Variants in TAPBP observed in about 807,000 individuals in gnomAD.
TAPBP encodes the protein TAP binding protein.
Under a neutral mutation model 45.7 loss-of-function variants are expected in TAPBP, and 38 were observed. The ratio of observed to expected loss-of-function variants is 0.83; its 90% CI spans 0.64 to 1.09. The LOEUF (loss-of-function observed/expected upper bound fraction) is 1.09, where lower values mean the gene tolerates loss of function less well. Among genes scored for constraint, TAPBP ranks in the 50% least tolerant of loss-of-function variants. The pLI is 0.00. For synonymous variants in TAPBP, 226 were observed against 254.8 expected, an observed-to-expected ratio of 0.89 and a Z score of 1.08; for missense variants, 513 against 587.3, an observed-to-expected ratio of 0.87 and a Z score of 1.31.
At chr6:33,303,003 G>A (rs911563800) in intron 7 of TAPBP, among the ~76,000 whole-genome samples, 17 of 152,076 alleles carry the variant, frequency 1.1e-4, no homozygotes, top group African/African-American at 3.9e-4. Flanking sequence ...GTTGAGCATC[G>A]CCGATCCAAA....
rs201263636 is a variant in TAPBP, at chr6:33,304,335, G to C, written c.1172C>G (p.Ala391Gly). 39 of 1,608,492 alleles carry C rather than the reference G, an allele frequency of 2.4e-5. No individual in the cohort carries two copies. Among genetic ancestry groups the C allele is most frequent in the Non-Finnish European group, 8.5e-7 (1 of 1,176,372 alleles). Residue 391 changes from alanine to glycine, a missense_variant, in exon 5 of 8, where the codon GCC becomes GGC. By Grantham distance (60) the Ala-to-Gly change is moderately conservative. Transcript: ENST00000434618. ...GGTGACCTCAGCGCTGCGCCCCGAG[G>C]CAGGCAGGCTGGGATGGTGAATTCG... Reference protein sequence around the residue: ...ACRIHHPSLPASGRSAEVTLE... With the variant: ...ACRIHHPSLPGSGRSAEVTLE...
intron 7 of TAPBP, among the ~76,000 whole-genome samples, chr6:33,303,002 C>T (rs1287674431): frequency 2.0e-5 from 3 of 152,120 alleles, no homozygotes; most frequent in Admixed American, 6.5e-5. Flanking sequence ...GGTTGAGCAT[C>T]GCCGATCCAA....
In TAPBP at chr6:33,304,575, G is replaced by A. The variant is rs767486136; in HGVS notation, c.932C>T (p.Pro311Leu). The stretch of plus-strand genomic sequence containing the variant: ...GTGGGACACAAGGCAGAGCAATTCC[G>A]GGGGTGCCTCCCCTGGGGCGGCCCG... ...LARAAPGEAP[P>L]ELLCLVSHFY... Residue 311 changes from proline (P) to leucine (L), a missense_variant, in exon 5 of 8, where the codon CCG becomes CTG. Transcript: ENST00000434618. 19 of 1,603,952 alleles carry A rather than the reference G, an allele frequency of 1.2e-5. No homozygotes were observed. Among genetic ancestry groups the A allele is most frequent in the African/African-American group, 2.7e-5 (2 of 74,818 alleles).
rs111262620 is a variant in TAPBP at position 33,313,515 on chromosome 6, C to T, written c.209-38G>A. On this transcript the variant is annotated intron_variant, in intron 2 of 7. Transcript: ENST00000434618. This position sits in a 1 kb window ranked among gnomAD's most constrained non-coding sequence, Gnocchi z 7.2. The stretch of plus-strand genomic sequence containing the variant: ...AAGGAAGTTGCAGCTGTAGAGTCAC[C>T]GCCGGGAAAGGGGCTGGAAGGGCAG... The T allele has an allele frequency of 4.7e-3, 7,202 of 1,518,440 alleles. 256 individuals are homozygous for T. The African/African-American group carries it at 0.079, about 17-fold the overall frequency. The allele number at this position is 1,518,440 out of a possible 1,614,324, so 94.1% of individuals were successfully genotyped here.
chr6:33,305,281 G>A lies in TAPBP; in HGVS notation c.576C>T (p.Ala192=), dbSNP rs950808132. ...FAYMPPTSEA[A]SSLAPGPPPF... is the part of the protein sequence containing the mutation. Reference sequence around the variant, plus strand: ...GAGGGGGACCCGGAGCCAGAGATGAGGCGGCCTCGGAGGTGGGGGGCATGT... The same window carrying A: ...GAGGGGGACCCGGAGCCAGAGATGAAGCGGCCTCGGAGGTGGGGGGCATGT... The change falls in exon 4 of 8, where the codon GCC becomes GCT. Residue 192 remains alanine, a synonymous_variant. Transcript: ENST00000434618. This position sits in a 1 kb window ranked among gnomAD's most constrained non-coding sequence, Gnocchi z 4.4. 4.6e-5 allele frequency: 73 copies of A among 1,591,946 alleles called. No homozygotes were observed. The highest frequency in any genetic ancestry group is 6.2e-5 in the Non-Finnish European group (72 of 1,168,222).
rs1371759630 is a variant in TAPBP, at chr6:33,305,849, G to C, written c.470-462C>G. ...ACAGAATATTTACTGACTCTAGAAG[G>C]TTCCAGCTCTAGCCTAGACCTGAGC... On this transcript the variant is annotated intron_variant, in intron 3 of 7. Coordinates refer to ENST00000434618, the MANE Select transcript of TAPBP (RefSeq NM_003190.5). This position sits in a 1 kb window ranked among gnomAD's most constrained non-coding sequence, Gnocchi z 4.4. Among the ~76,000 whole-genome samples, 1 of 152,168 alleles carries C rather than the reference G, an allele frequency of 6.6e-6. No individual in the cohort carries two copies. The highest frequency in any genetic ancestry group is 1.5e-5 in the Non-Finnish European group (1 of 68,038).
rs1006717757 is a variant in TAPBP at position 33,313,095 on chromosome 6, C to T, written c.469+122G>A. ...ATTCTAGCCAAACCACCTCTCTTAA[C>T]AAAAAAAGGAAACTGAACCCCGATT... On this transcript the variant is annotated intron_variant, in intron 3 of 7. Coordinates refer to ENST00000434618, the MANE Select transcript of TAPBP (RefSeq NM_003190.5). The surrounding 1 kb of genome is among the most constrained non-coding windows in gnomAD (Gnocchi z 7.2). 74 of 1,208,274 alleles carry T rather than the reference C, an allele frequency of 6.1e-5. No individual in the cohort carries two copies. Among genetic ancestry groups the T allele is most frequent in the Non-Finnish European group, 8.4e-5 (73 of 866,870 alleles). The allele number at this position is 1,208,274 out of a possible 1,614,324, so 74.8% of individuals were successfully genotyped here. A position where few individuals can be genotyped will look rare whatever the true frequency, so the allele number is the denominator to read the frequency against.
At chr6:33,303,655 A>T in intron 7 of TAPBP, 1 of 1,299,702 alleles carries the variant, frequency 7.7e-7, no homozygotes, top group African/African-American at 1.5e-5. Context: ...GTTTCTGCTT[A>T]TTTTTTTAAT....
chr6:33,305,064 G>A lies in TAPBP; in HGVS notation c.793C>T (p.Gln265Ter). The change falls in exon 4 of 8, where the codon CAG becomes TAG. Residue 265 changes from glutamine to a stop codon, truncating the protein, a stop_gained. Transcript: ENST00000434618. LOFTEE classifies it high-confidence loss of function. The surrounding 1 kb of genome is among the most constrained non-coding windows in gnomAD (Gnocchi z 4.4). ...ATGGTGGCCAGATAGGTGCCCTCCT[G>A]AAAGGGTTGAACTGTAGGCAGCCAG... ...TFWLPTVQPF[Q>*]EGTYLATIHL... The A allele has an allele frequency of 6.2e-7, 1 of 1,614,170 alleles. No homozygotes were observed. The highest frequency in any genetic ancestry group is 8.5e-7 in the Non-Finnish European group (1 of 1,180,020).
chr6:33,302,646 CT>C (rs9282489), intron 7 of TAPBP, among the ~76,000 whole-genome samples: 5 of 143,904 alleles, frequency 3.5e-5, no homozygotes, highest in African/African-American at 5.2e-5. Flanking sequence ...ATTTCTTTTT[CT>C]TTTTTTTTTG....
chr6:33,301,676 A>T lies in TAPBP; in HGVS notation c.*84T>A. On this transcript the variant is annotated 3_prime_UTR_variant, in exon 8 of 8. Coordinates refer to ENST00000434618, the MANE Select transcript of TAPBP (RefSeq NM_003190.5). ...GAGAGATTGGAGGGATTAGGAGCAGATGATAGGGTATTATTTTAGGGAGCT... is the reference window on the plus strand; with the variant it reads ...GAGAGATTGGAGGGATTAGGAGCAGTTGATAGGGTATTATTTTAGGGAGCT... 1 of 1,251,624 alleles carries T rather than the reference A, an allele frequency of 8.0e-7. No homozygotes were observed. The highest frequency in any genetic ancestry group is 1.2e-5 in the South Asian group (1 of 82,322). 77.5% of individuals were successfully genotyped at this position (1,251,624 alleles called of 1,614,324 possible). A position where few individuals can be genotyped will look rare whatever the true frequency, so the allele number is the denominator to read the frequency against.
chr6:33,312,249 G>C (rs17215266), intron 3 of TAPBP, among the ~76,000 whole-genome samples: 96 of 152,230 alleles, frequency 6.3e-4, no homozygotes, highest in African/African-American at 2.2e-3. Context: ...TAAGAATGGA[G>C]GTATAGGCAG....
chr6:33,313,566 A>G lies in TAPBP; in HGVS notation c.209-89T>C. ...CGTTCGGGGAACTTCAAATGCACAGACTACCCCGTAGTGAGACTCACTTTA... is the reference window on the plus strand; with the variant it reads ...CGTTCGGGGAACTTCAAATGCACAGGCTACCCCGTAGTGAGACTCACTTTA... On this transcript the variant is annotated intron_variant, in intron 2 of 7. Coordinates refer to ENST00000434618, the MANE Select transcript of TAPBP (RefSeq NM_003190.5). The surrounding 1 kb of genome is among the most constrained non-coding windows in gnomAD (Gnocchi z 7.2). The G allele has an allele frequency of 2.0e-6, 3 of 1,519,140 alleles. No individual in the cohort carries two copies. Among genetic ancestry groups the G allele is most frequent in the Non-Finnish European group, 2.7e-6 (3 of 1,130,952 alleles). 94.1% of individuals were successfully genotyped at this position (1,519,140 alleles called of 1,614,324 possible).
At position 33,304,363 on chromosome 6, in the gene TAPBP, A is replaced by C. The variant is rs766013993; in HGVS notation, c.1144T>G (p.Cys382Gly). 3 of 1,611,624 alleles carry C rather than the reference A, an allele frequency of 1.9e-6. No individual in the cohort carries two copies. In the South Asian group the frequency reaches 3.3e-5, roughly 18 times the overall value. ...TTEQHGARYACRIHHPSLPAS... is the reference protein window; with the variant it reads ...TTEQHGARYAGRIHHPSLPAS... ...GGCAGGCTGGGATGGTGAATTCGAC[A>C]GGCATAGCGTGCCCCATGCTGCTCA... is the stretch of plus-strand genomic sequence containing the variant. Residue 382 changes from cysteine to glycine, a missense_variant, in exon 5 of 8, where the codon TGT becomes GGT. Physicochemically the swap from Cys to Gly is radical, Grantham distance 159. Transcript: ENST00000434618.
At chr6:33,304,665 A>T (rs750114405) in intron 4 of TAPBP, 27 bp from the exon 5 acceptor site, 1 of 1,535,626 alleles carries the variant, frequency 6.5e-7, no homozygotes, top group Non-Finnish European at 8.7e-7. Flanking sequence ...AAATGAGCAT[A>T]GGGAAATCAG....
rs2150962681 is a variant in TAPBP, at chr6:33,305,595, T to C, written c.470-208A>G. Among the ~76,000 whole-genome samples the C allele has an allele frequency of 1.3e-5, 2 of 152,150 alleles. 1 individual carries two copies. The highest frequency in any genetic ancestry group is 4.1e-4 in the South Asian group (2 of 4,826). ...GGGTGGCACCTAGTGTGGCTGAGGG[T>C]GAGCAGAGAGGTCTAGGGGTGGTGA... On this transcript the variant is annotated intron_variant, in intron 3 of 7. Transcript: ENST00000434618. This position sits in a 1 kb window ranked among gnomAD's most constrained non-coding sequence, Gnocchi z 4.4.
chr6:33,311,308 G>A (rs930562508), intron 3 of TAPBP, among the ~76,000 whole-genome samples: 2 of 152,092 alleles, frequency 1.3e-5, no homozygotes, highest in Admixed American at 6.6e-5. Context: ...GGCAATAAGA[G>A]GGAGACTCCG....
At position 33,306,213 on chromosome 6, in the gene TAPBP, T is replaced by C. The variant is rs117513454; in HGVS notation, c.470-826A>G. On this transcript the variant is annotated intron_variant, in intron 3 of 7. Transcript: ENST00000434618. The stretch of plus-strand genomic sequence containing the variant: ...CGTGTTTGCTATAGTTACACCTAAC[T>C]TAGCATACCCCAAGTCAACAGCATC... 7.9e-3 allele frequency among the ~76,000 whole-genome samples: 1,197 copies of C among 152,298 alleles called. 16 individuals are homozygous for C. Among genetic ancestry groups the C allele is most frequent in the Middle Eastern group, 0.041 (12 of 294 alleles).
At position 33,305,172 on chromosome 6, in the gene TAPBP, G is replaced by A. The variant is rs927568082; in HGVS notation, c.685C>T (p.Pro229Ser). 1 of 1,614,234 alleles carries A rather than the reference G, an allele frequency of 6.2e-7. No individual in the cohort carries two copies. Among genetic ancestry groups the A allele is most frequent in the Admixed American group, 1.7e-5 (1 of 60,030 alleles). ...GCCACGGCCCCTTCTTGGGCTGCTG[G>A]CATCTGGCCATTCAGCCCAGGAGTT... is the stretch of plus-strand genomic sequence containing the variant. ...AATPGLNGQM[P>S]AAQEGAVAFA... Residue 229 changes from proline (P) to serine (S), a missense_variant, in exon 4 of 8, where the codon CCA (proline) becomes TCA (serine). Physicochemically the swap from Pro to Ser is moderately conservative, Grantham distance 74. Coordinates refer to ENST00000434618, the MANE Select transcript of TAPBP (RefSeq NM_003190.5). This position sits in a 1 kb window ranked among gnomAD's most constrained non-coding sequence, Gnocchi z 4.4.
Sources: gnomAD v4.1 joint callset for allele counts (sites outside exome capture counted in the v4.1 genomes callset) on GRCh38, gnomAD v4.1.1 for gene constraint, Gnocchi (gnomAD v3.1) non-coding constraint, MANE v1.5 for transcripts, NCBI Gene and HGNC (gene_info 2026-07-23, HGNC 2026-07-21) for gene names.